The following ELOVL5 variants were observed in gnomAD, a reference collection of about 807,000 sequenced individuals.
The protein encoded by ELOVL5 is ELOVL fatty acid elongase 5, also known as very long chain fatty acid elongase 5.
ELOVL5 carries 8 observed loss-of-function variants against 38.6 expected under a neutral mutation model. That is an observed-to-expected ratio of 0.21 (90% CI 0.12 to 0.37). ELOVL5 has a LOEUF of 0.37. Among genes scored for constraint, ELOVL5 ranks in the 10% least tolerant of loss-of-function variants. The probability of loss-of-function intolerance (pLI) is 1.00; values close to 1 mark genes in which losing one functional copy is unlikely to be tolerated. For synonymous variants in ELOVL5, 127 were observed against 133.7 expected, an observed-to-expected ratio of 0.95 and a Z score of 0.34; for missense variants, 280 against 367.8, an observed-to-expected ratio of 0.76 and a Z score of 1.95.
intron 1 of ELOVL5, among the ~76,000 whole-genome samples, chr6:53,348,224 G>A (rs1268094891): frequency 1.3e-5 from 2 of 152,190 alleles, no homozygotes; most frequent in East Asian, 1.9e-4. Flanking sequence ...GCTTCCCTCC[G>A]AGGGGCGGAC....
chr6:53,306,599 AAAG>A (rs1767590321), intron 1 of ELOVL5, among the ~76,000 whole-genome samples: 1 of 152,130 alleles, frequency 6.6e-6, no homozygotes, highest in Non-Finnish European at 1.5e-5. Flanking sequence ...ATTCACAGCT[AAAG>A]AAGAAATGTA....
intron 1 of ELOVL5, among the ~76,000 whole-genome samples, chr6:53,341,948 A>G (rs1435606066): frequency 6.6e-6 from 1 of 152,186 alleles, no homozygotes; most frequent in East Asian, 1.9e-4. Flanking sequence ...AGGTAGAGTG[A>G]CTTACCTGCT....
At chr6:53,347,987 C>T (rs1769636966) in intron 1 of ELOVL5, among the ~76,000 whole-genome samples, 1 of 151,586 alleles carries the variant, frequency 6.6e-6, no homozygotes. Flanking sequence ...CGCAAGACAA[C>T]ACACACTCTA....
chr6:53,307,294 CT>C (rs1365976487), intron 1 of ELOVL5, among the ~76,000 whole-genome samples: 2 of 152,180 alleles, frequency 1.3e-5, no homozygotes, highest in Admixed American at 1.3e-4. Context: ...GCCAGAGAGC[CT>C]GGGTTCAAAT....
intron 1 of ELOVL5, among the ~76,000 whole-genome samples, chr6:53,347,832 C>T (rs1769628549): frequency 6.6e-6 from 1 of 152,136 alleles, no homozygotes; most frequent in Admixed American, 6.5e-5. Flanking sequence ...GGGGGAACCG[C>T]CAAGTGCAAG....
chr6:53,331,272 G>A (rs1768791618), intron 1 of ELOVL5, among the ~76,000 whole-genome samples: 1 of 152,156 alleles, frequency 6.6e-6, no homozygotes, highest in Non-Finnish European at 1.5e-5. Context: ...CCTGCAGTGA[G>A]CTGTGATTAC....
chr6:53,304,046 T>C (rs1022657521), intron 1 of ELOVL5, among the ~76,000 whole-genome samples: 2 of 152,238 alleles, frequency 1.3e-5, no homozygotes, highest in Non-Finnish European at 2.9e-5. Flanking sequence ...GCTAGATACT[T>C]CTGTGTTCAG....
chr6:53,276,357 T>C, intron 3 of ELOVL5, 101 bp from the exon 4 acceptor site: 3 of 773,024 alleles, frequency 3.9e-6, no homozygotes, highest in Non-Finnish European at 6.6e-6. Context: ...TACCTTGGGC[T>C]GTGCTGAGCC....
intron 3 of ELOVL5, chr6:53,287,936 T>C (rs1581934807): frequency 6.5e-7 from 1 of 1,535,506 alleles, no homozygotes; most frequent in East Asian, 2.4e-5. Context: ...GGTTGCTCCC[T>C]TTTGGACTGT....
Position 53,269,168 on chromosome 6 carries a change from G to C in ELOVL5, c.859C>G (p.Leu287Val). ...TTCCTTGGCTTCACATTGTTTTCCA[G>C]GGGTGAAAAGCTGTTGGTGTGTCCA... The part of the protein sequence containing the change: ...VNGHTNSFSP[L>V]ENNVKPRKLR... The change falls in exon 8 of 8, where the codon CTG (leucine) becomes GTG (valine). Residue 287 changes from leucine (L) to valine (V), a missense_variant. Coordinates refer to ENST00000304434, the MANE Select transcript of ELOVL5 (RefSeq NM_021814.5). The C allele has an allele frequency of 6.2e-7, 1 of 1,613,908 alleles. No individual in the cohort carries two copies.
At chr6:53,348,704 AGGTCCGAGACCT>A in intron 1 of ELOVL5, 101 bp downstream of exon 1, 1 of 385,284 alleles carries the variant, frequency 2.6e-6, no homozygotes, top group Non-Finnish European at 5.1e-6. Context: ...TCTCGGCACC[AGGTCCGAGACCT>A]AACGGCAGTT....
chr6:53,277,431 G>A (rs922980114), intron 3 of ELOVL5, among the ~76,000 whole-genome samples: 3 of 152,134 alleles, frequency 2.0e-5, no homozygotes, highest in East Asian at 1.9e-4. Flanking sequence ...GAAGAGCCAT[G>A]GAATTAGGAG....
chr6:53,271,197 T>C (rs1016351910), intron 6 of ELOVL5, among the ~76,000 whole-genome samples: 5 of 152,152 alleles, frequency 3.3e-5, no homozygotes, highest in Admixed American at 2.0e-4. Context: ...TTAATTTTGA[T>C]GAATAAACCT....
At chr6:53,290,542 T>C (rs2294869) in intron 3 of ELOVL5, 55,210 of 151,918 alleles carry the variant, frequency 0.36, 11,144 homozygotes, top group African/African-American at 0.55. Context: ...CATTCTAGAA[T>C]AGGACAGAAA....
In ELOVL5 at chr6:53,348,926, G is replaced by GCC. The variant is rs1229973880; in HGVS notation, c.-119_-118insGG. 4.5e-6 allele frequency: 2 copies of GCC among 441,954 alleles called. No individual in the cohort carries two copies. Among genetic ancestry groups the GCC allele is most frequent in the Admixed American group, 5.0e-5 (2 of 40,220 alleles). 27.4% of individuals were successfully genotyped at this position (441,954 alleles called of 1,614,324 possible). A position where few individuals can be genotyped will look rare whatever the true frequency, so the allele number is the denominator to read the frequency against. On this transcript the variant is annotated 5_prime_UTR_variant, in exon 1 of 8. Transcript: ENST00000304434. Reference sequence around the variant, plus strand: ...GCGGATGTAGAAGGAGACACCGGTGGCTAGGACCCGCGCGATGGGAAGAGG... The same window carrying GCC: ...GCGGATGTAGAAGGAGACACCGGTGGCCCTAGGACCCGCGCGATGGGAAGAGG...
intron 1 of ELOVL5, among the ~76,000 whole-genome samples, chr6:53,326,297 T>G (rs986080070): frequency 6.6e-6 from 1 of 152,164 alleles, no homozygotes; most frequent in African/African-American, 2.4e-5. Context: ...ACATTGCACC[T>G]GAGTTCTTTT....
intron 3 of ELOVL5, among the ~76,000 whole-genome samples, chr6:53,288,256 G>C (rs144526890): frequency 2.0e-5 from 3 of 152,130 alleles, no homozygotes; most frequent in Admixed American, 2.0e-4. Context: ...CAAAAAATCA[G>C]GCTTCTCTTC....
intron 1 of ELOVL5, among the ~76,000 whole-genome samples, chr6:53,338,766 G>A (rs1883658): frequency 0.37 from 55,583 of 152,148 alleles, 11,318 homozygotes; most frequent in African/African-American, 0.56. Context: ...ACTGCTGATG[G>A]TTCTTATCTG....
chr6:53,318,639 C>A (rs1208200071), intron 1 of ELOVL5, among the ~76,000 whole-genome samples: 1 of 151,976 alleles, frequency 6.6e-6, no homozygotes, highest in Non-Finnish European at 1.5e-5. Flanking sequence ...ACTCAGAAGG[C>A]TGAGGTGAGA....
Sources: gnomAD v4.1 joint callset for allele counts (sites outside exome capture counted in the v4.1 genomes callset) on GRCh38, gnomAD v4.1.1 for gene constraint, MANE v1.5 for transcripts, NCBI Gene and HGNC (gene_info 2026-07-23, HGNC 2026-07-21) for gene names.